The following NTRK2 variants were observed in gnomAD, a reference collection of about 807,000 sequenced individuals.
The protein encoded by NTRK2 is BDNF/NT-3 growth factors receptor.
In NTRK2, 13 loss-of-function variants were observed where a neutral mutation model predicts 94.5. The ratio of observed to expected loss-of-function variants is 0.14; its 90% CI spans 0.09 to 0.22. The LOEUF is 0.22. Ranked by LOEUF, NTRK2 falls within the 10% of genes least tolerant of loss-of-function variation. The pLI, the probability that NTRK2 is intolerant of heterozygous loss-of-function variation, is 1.00. For missense variants in NTRK2, 639 were observed against 1,071.2 expected (o/e 0.60, Z 5.63); for synonymous variants, 372 against 407.4 (o/e 0.91, Z 1.05).
intron 2 of NTRK2, among the ~76,000 whole-genome samples, chr9:84,680,526 G>A (rs1460151495): frequency 6.6e-6 from 1 of 152,124 alleles, no homozygotes; most frequent in East Asian, 1.9e-4. Context: ...ACTCAACCTC[G>A]AGCTTTTTTC....
intron 14 of NTRK2, among the ~76,000 whole-genome samples, chr9:84,868,690 G>A (rs933689880): frequency 3.9e-5 from 6 of 152,084 alleles, no homozygotes; most frequent in Non-Finnish European, 5.9e-5. Context: ...GTGAGTAGAG[G>A]CATTGCTTAA....
intron 14 of NTRK2, among the ~76,000 whole-genome samples, chr9:84,912,339 G>A (rs2077260429): frequency 6.6e-6 from 1 of 152,012 alleles, no homozygotes; most frequent in Non-Finnish European, 1.5e-5. Flanking sequence ...TTATTGAAAG[G>A]CAGGTGTTGA....
intron 17 of NTRK2, among the ~76,000 whole-genome samples, chr9:84,961,280 A>G (rs936166325): frequency 6.6e-6 from 1 of 152,232 alleles, no homozygotes. Flanking sequence ...TCATCACTAT[A>G]TAATACTTAG....
Position 85,021,494 on chromosome 9 carries a change from T to A in NTRK2, c.*57T>A, listed in dbSNP as rs200093433. On this transcript the variant is annotated 3_prime_UTR_variant, in exon 19 of 19. Coordinates refer to ENST00000277120, the MANE Select transcript of NTRK2 (RefSeq NM_006180.6). Reference sequence around the variant, plus strand: ...GTACTCCTCAGACGGGCTGAGAGGATGAACATCTTTTAACTGCCGCTGGAG... The same window carrying A: ...GTACTCCTCAGACGGGCTGAGAGGAAGAACATCTTTTAACTGCCGCTGGAG... 119 of 1,574,402 alleles carry A rather than the reference T, an allele frequency of 7.6e-5. 1 individual carries two copies. In the Middle Eastern group the frequency reaches 2.0e-3, roughly 26 times the overall value.
chr9:84,741,614 A>T (rs1247809679), intron 9 of NTRK2, among the ~76,000 whole-genome samples: 1 of 152,244 alleles, frequency 6.6e-6, no homozygotes, highest in African/African-American at 2.4e-5. Context: ...AAATGGTAAT[A>T]ATTCATTGAT....
chr9:84,800,712 TATC>T (rs1457821857), intron 12 of NTRK2, among the ~76,000 whole-genome samples: 1 of 152,136 alleles, frequency 6.6e-6, no homozygotes, highest in East Asian at 1.9e-4. Flanking sequence ...CACAGAGTGA[TATC>T]AGCAGCCAGG....
intron 12 of NTRK2, among the ~76,000 whole-genome samples, chr9:84,767,666 T>G (rs536929435): frequency 6.6e-6 from 1 of 152,252 alleles, no homozygotes; most frequent in Non-Finnish European, 1.5e-5. Context: ...TTTTGGAAAA[T>G]AGTTGATTGG....
chr9:84,924,275 GAA>G (rs2077677840), intron 14 of NTRK2, among the ~76,000 whole-genome samples: 1 of 151,056 alleles, frequency 6.6e-6, no homozygotes, highest in East Asian at 1.9e-4. Context: ...AAGAAAGAAA[GAA>G]AGAAAGAAAG....
intron 17 of NTRK2, among the ~76,000 whole-genome samples, chr9:85,018,698 T>C (rs2117852922): frequency 6.6e-6 from 1 of 152,322 alleles, no homozygotes; most frequent in East Asian, 1.9e-4. Context: ...ACATCCTTTC[T>C]GGTTGGTCAG....
chr9:84,838,461 T>C (rs2073996511), intron 12 of NTRK2, among the ~76,000 whole-genome samples: 1 of 143,588 alleles, frequency 7.0e-6, no homozygotes, highest in Non-Finnish European at 1.6e-5. Context: ...TTTCAGTGTA[T>C]ATTGTATATG....
chr9:84,979,297 A>G (rs1827287622), intron 17 of NTRK2, among the ~76,000 whole-genome samples: 1 of 152,224 alleles, frequency 6.6e-6, no homozygotes, highest in Non-Finnish European at 1.5e-5. Context: ...GACTATCAGT[A>G]TTAACAGGCA....
At chr9:85,000,368 C>G (rs983729703) in intron 17 of NTRK2, among the ~76,000 whole-genome samples, 9 of 152,076 alleles carry the variant, frequency 5.9e-5, no homozygotes, top group Admixed American at 5.9e-4. Flanking sequence ...GTTTCACTGC[C>G]CTAAAAATCC....
intron 14 of NTRK2, chr9:84,872,050 C>T: frequency 7.1e-7 from 1 of 1,403,732 alleles, no homozygotes; most frequent in South Asian, 1.5e-5. Context: ...TAACTATAGA[C>T]CCATCTCCTC....
chr9:84,756,278 C>T (rs535805428), intron 12 of NTRK2, among the ~76,000 whole-genome samples: 1 of 152,328 alleles, frequency 6.6e-6, no homozygotes, highest in South Asian at 2.1e-4. Context: ...TGAATGCTCT[C>T]CTTGTGTTGT....
At chr9:84,933,613 G>A (rs2078114049) in intron 14 of NTRK2, among the ~76,000 whole-genome samples, 1 of 152,170 alleles carries the variant, frequency 6.6e-6, no homozygotes, top group Non-Finnish European at 1.5e-5. Context: ...AGTCAGTGAG[G>A]CCCAACCATG....
intron 12 of NTRK2, 52 bp from the exon 13 acceptor site, chr9:84,860,988 C>T: frequency 1.1e-5 from 16 of 1,500,446 alleles, no homozygotes; most frequent in South Asian, 3.4e-5. Flanking sequence ...TGACCACCTC[C>T]GGTTTCTACT....
chr9:84,715,697 G>A (rs1264629059), intron 6 of NTRK2, among the ~76,000 whole-genome samples: 2 of 152,128 alleles, frequency 1.3e-5, no homozygotes, highest in African/African-American at 4.8e-5. Context: ...TGGCCAGGCT[G>A]TGCTGATTAT....
At chr9:84,931,970 G>A (rs752244806) in intron 14 of NTRK2, among the ~76,000 whole-genome samples, 10 of 152,142 alleles carry the variant, frequency 6.6e-5, no homozygotes, top group Admixed American at 1.3e-4. Flanking sequence ...ATTAATATAC[G>A]TTCTTATATT....
rs1387923 is a variant in NTRK2 at position 85,025,721 on chromosome 9, A to G, written c.*4284A>G. On this transcript the variant is annotated 3_prime_UTR_variant, in exon 19 of 19. Transcript: ENST00000277120. ...CCCTGTCTCAGGACTTTTATTTTCAATGTTGACCTTTGGTTTGGCCATATA... is the reference window on the plus strand; with the variant it reads ...CCCTGTCTCAGGACTTTTATTTTCAGTGTTGACCTTTGGTTTGGCCATATA... The G allele has an allele frequency of 0.48, 111,502 of 232,770 alleles. 28,159 individuals are homozygous for G. Among genetic ancestry groups the G allele is most frequent in the Middle Eastern group, 0.6 (470 of 786 alleles). 14.4% of individuals were successfully genotyped at this position (232,770 alleles called of 1,614,324 possible).
Sources: gnomAD v4.1 joint callset for allele counts (sites outside exome capture counted in the v4.1 genomes callset) on GRCh38, gnomAD v4.1.1 for gene constraint, MANE v1.5 for transcripts, NCBI Gene and HGNC (gene_info 2026-07-23, HGNC 2026-07-21) for gene names.